Variants in AUTS2 observed in about 807,000 individuals in gnomAD.
AUTS2 encodes the protein autism susceptibility gene 2 protein.
AUTS2 carries 17 observed loss-of-function variants against 112.4 expected under a neutral mutation model. The ratio of observed to expected loss-of-function variants is 0.15; its 90% confidence interval spans 0.10 to 0.23. AUTS2 has a LOEUF of 0.23. Among genes scored for constraint, AUTS2 ranks in the 10% least tolerant of loss-of-function variants. AUTS2 has a pLI of 1.00. For missense variants in AUTS2, 1,510 were observed against 1,701.6 expected (o/e 0.89, Z 1.98); for synonymous variants, 751 against 702.7 (o/e 1.07, Z -1.09).
At chr7:70,639,585 C>A (rs1174102724) in intron 5 of AUTS2, among the ~76,000 whole-genome samples, 1 of 139,122 alleles carries the variant, frequency 7.2e-6, no homozygotes, top group African/African-American at 2.9e-5. Flanking sequence ...CCACCGCACT[C>A]CAGCCTGGGT....
chr7:70,364,145 T>C (rs1792422616), intron 4 of AUTS2, among the ~76,000 whole-genome samples: 1 of 152,034 alleles, frequency 6.6e-6, no homozygotes, highest in African/African-American at 2.4e-5. Context: ...AATTATCACG[T>C]TGATATGGAA....
At chr7:70,035,845 A>G (rs1453149627) in intron 2 of AUTS2, among the ~76,000 whole-genome samples, 1 of 152,154 alleles carries the variant, frequency 6.6e-6, no homozygotes, top group Admixed American at 6.5e-5. Context: ...CCTTCTATTC[A>G]TCCTTTCATA....
chr7:70,776,481 A>G (rs1790697359), intron 13 of AUTS2, among the ~76,000 whole-genome samples: 1 of 152,116 alleles, frequency 6.6e-6, no homozygotes, highest in Non-Finnish European at 1.5e-5. Flanking sequence ...GGAAGGAAGG[A>G]ATATTCTTCT....
intron 5 of AUTS2, among the ~76,000 whole-genome samples, chr7:70,554,661 A>C (rs1801172933): frequency 6.6e-6 from 1 of 152,138 alleles, no homozygotes; most frequent in Non-Finnish European, 1.5e-5. Context: ...TTCACCAGAG[A>C]AGCCAGCCTG....
At chr7:70,690,927 C>T (rs1448277617) in intron 5 of AUTS2, among the ~76,000 whole-genome samples, 2 of 152,198 alleles carry the variant, frequency 1.3e-5, no homozygotes, top group Non-Finnish European at 2.9e-5. Context: ...TGCCACTGCA[C>T]TCCAGCTTGG....
At chr7:69,914,362 C>CACACACAG (rs1554403917) in intron 2 of AUTS2, among the ~76,000 whole-genome samples, 13 of 144,672 alleles carry the variant, frequency 9.0e-5, no homozygotes, top group African/African-American at 1.6e-4. Flanking sequence ...CACAGACACA[C>CACACACAG]ACACACACAC....
intron 2 of AUTS2, among the ~76,000 whole-genome samples, chr7:69,958,459 C>A (rs1797304094): frequency 6.6e-6 from 1 of 152,120 alleles, no homozygotes; most frequent in Non-Finnish European, 1.5e-5. Flanking sequence ...TCCCTACTTG[C>A]AAGAAAATAC....
intron 5 of AUTS2, among the ~76,000 whole-genome samples, chr7:70,616,783 CTT>C (rs1804395662): frequency 9.3e-6 from 1 of 107,906 alleles, no homozygotes; most frequent in Admixed American, 1.1e-4. Flanking sequence ...ATTGGAGAAA[CTT>C]GAGCATGTTT....
chr7:69,760,197 CTTT>C (rs375758180), intron 1 of AUTS2, among the ~76,000 whole-genome samples: 3 of 121,060 alleles, frequency 2.5e-5, no homozygotes, highest in Non-Finnish European at 3.5e-5. Flanking sequence ...TTCTTTTTTT[CTTT>C]TTTTTTTTTT....
At chr7:70,020,290 A>AC (rs1179943170) in intron 2 of AUTS2, among the ~76,000 whole-genome samples, 1 of 151,028 alleles carries the variant, frequency 6.6e-6, no homozygotes, top group African/African-American at 2.4e-5. Flanking sequence ...ACTTGACCCC[A>AC]CCCCCCACTC....
intron 1 of AUTS2, among the ~76,000 whole-genome samples, chr7:69,662,742 C>T (rs1343266215): frequency 1.3e-5 from 2 of 152,136 alleles, no homozygotes; most frequent in Non-Finnish European, 2.9e-5. Context: ...AATTTCCTAA[C>T]ACTAGAAATG....
chr7:70,189,432 T>G (rs1042350411), intron 4 of AUTS2, among the ~76,000 whole-genome samples: 9 of 152,180 alleles, frequency 5.9e-5, no homozygotes. Context: ...GTAAAAGTAA[T>G]TCCATGACAA....
chr7:69,863,733 A>G (rs1793093312), intron 1 of AUTS2, among the ~76,000 whole-genome samples: 1 of 152,180 alleles, frequency 6.6e-6, no homozygotes, highest in Non-Finnish European at 1.5e-5. Context: ...AGCTGGATTG[A>G]GTTATGTGGC....
intron 1 of AUTS2, among the ~76,000 whole-genome samples, chr7:69,886,760 T>G (rs991538220): frequency 2.1e-5 from 3 of 142,596 alleles, no homozygotes; most frequent in Non-Finnish European, 4.5e-5. Context: ...AGATTTGACT[T>G]CTTTGTGTGT....
At chr7:70,202,964 A>G (rs1453598141) in intron 4 of AUTS2, among the ~76,000 whole-genome samples, 3 of 89,480 alleles carry the variant, frequency 3.4e-5, no homozygotes, top group African/African-American at 1.4e-4. Context: ...CAACAATGAT[A>G]GACTGGATTA....
intron 1 of AUTS2, among the ~76,000 whole-genome samples, chr7:69,633,188 A>AT (rs899168548): frequency 2.6e-5 from 4 of 151,496 alleles, no homozygotes; most frequent in East Asian, 1.9e-4. Context: ...ATCATGCAAT[A>AT]TTTTTTTTTC....
chr7:70,786,417 G>A (rs1348885096), intron 17 of AUTS2, among the ~76,000 whole-genome samples: 1 of 152,080 alleles, frequency 6.6e-6, no homozygotes, highest in Non-Finnish European at 1.5e-5. Flanking sequence ...TGGCATTCGT[G>A]GAATTGAAAA....
chr7:69,827,012 C>T (rs998615455), intron 1 of AUTS2, among the ~76,000 whole-genome samples: 21 of 152,098 alleles, frequency 1.4e-4, no homozygotes, highest in African/African-American at 5.1e-4. Context: ...AGGCATTTGG[C>T]TATTGAGCTT....
chr7:70,550,785 A>G (rs1260414574), intron 5 of AUTS2, among the ~76,000 whole-genome samples: 2 of 152,198 alleles, frequency 1.3e-5, no homozygotes, highest in Non-Finnish European at 2.9e-5. Context: ...GTTAGTACCC[A>G]TATGTATTTC....
Sources: allele counts gnomAD v4.1 joint callset (sites outside exome capture counted in the v4.1 genomes callset), GRCh38; gene constraint gnomAD v4.1.1; transcripts MANE v1.5; gene names NCBI Gene and HGNC (gene_info 2026-07-23, HGNC 2026-07-21).